The following UACA variants were observed in gnomAD, a reference collection of about 807,000 sequenced individuals.
UACA encodes uveal autoantigen with coiled-coil domains and ankyrin repeats, also known as nuclear membrane binding protein.
In UACA, 112 loss-of-function variants were observed where a neutral mutation model predicts 160.5. The observed-to-expected ratio is 0.70, with a 90% CI of 0.60 to 0.82. The LOEUF (loss-of-function observed/expected upper bound fraction) is 0.82, where lower values mean the gene tolerates loss of function less well. Among genes scored for constraint, UACA ranks in the 40% least tolerant of loss-of-function variants. The pLI is 0.00. For missense variants in UACA, 1,574 were observed against 1,614.6 expected (o/e 0.97, Z 0.43); for synonymous variants, 557 against 568.4 (o/e 0.98, Z 0.29).
rs933395435 is a variant in UACA at position 70,684,341 on chromosome 15, A to C, written c.708T>G (p.Ser236Arg). The change falls in exon 8 of 19, where the codon AGT becomes AGG. Residue 236 changes from serine to arginine, a missense_variant. Coordinates refer to ENST00000322954, the MANE Select transcript of UACA (RefSeq NM_018003.4). ...ISLLDALGHD[S>R]SYYARIGDNL... is the part of the protein sequence containing the mutation. ...TGTCACCAATTCTTGCATAGTAAGA[A>C]CTATCATGGCCAAGCGCATCCAGCA... 6.2e-7 allele frequency: 1 copy of C among 1,613,828 alleles called. No individual in the cohort carries two copies.
chr15:70,762,423 G>GT (rs1211004855), intron 1 of UACA, among the ~76,000 whole-genome samples: 2 of 152,194 alleles, frequency 1.3e-5, no homozygotes, highest in East Asian at 3.8e-4. Flanking sequence ...CCAAGACTTT[G>GT]TAAGTGGCAC....
intron 18 of UACA, among the ~76,000 whole-genome samples, chr15:70,658,926 A>G (rs1896578427): frequency 1.3e-5 from 2 of 152,252 alleles, no homozygotes; most frequent in Admixed American, 1.3e-4. Flanking sequence ...ATGTTTCATT[A>G]GGACACAGTA....
chr15:70,699,069 T>C (rs1435628057), intron 2 of UACA, among the ~76,000 whole-genome samples: 1 of 152,104 alleles, frequency 6.6e-6, no homozygotes, highest in Non-Finnish European at 1.5e-5. Context: ...TAAAAATGGA[T>C]TGGGGGTTGG....
At chr15:70,711,948 T>C (rs1456199177) in intron 1 of UACA, among the ~76,000 whole-genome samples, 3 of 151,990 alleles carry the variant, frequency 2.0e-5, no homozygotes, top group Non-Finnish European at 4.4e-5. Context: ...TGGCCTTTTA[T>C]GGTCTACAAA....
intron 9 of UACA, chr15:70,682,101 CCTG>C (rs1328530839): frequency 6.6e-6 from 1 of 152,140 alleles, no homozygotes; most frequent in Non-Finnish European, 1.5e-5. Flanking sequence ...GTAAACCAAC[CCTG>C]CTTACTTTAA....
chr15:70,776,122 T>A, the UACA span, among the ~76,000 whole-genome samples: 1 of 152,166 alleles, frequency 6.6e-6, no homozygotes, highest in African/African-American at 2.4e-5. Context: ...TGCATTCTTT[T>A]GTCACCTCCA....
At chr15:70,719,956 G>A (rs1765020036) in intron 1 of UACA, among the ~76,000 whole-genome samples, 1 of 152,106 alleles carries the variant, frequency 6.6e-6, no homozygotes, top group Non-Finnish European at 1.5e-5. Flanking sequence ...GATACAGGGT[G>A]ATATGGTTTG....
At chr15:70,743,936 C>T (rs911915119) in intron 1 of UACA, among the ~76,000 whole-genome samples, 4 of 151,958 alleles carry the variant, frequency 2.6e-5, no homozygotes, top group African/African-American at 9.7e-5. Context: ...ACTGTTCCAC[C>T]CAAGGTTCAT....
chr15:70,773,055 A>T, the UACA span, among the ~76,000 whole-genome samples: 1 of 152,094 alleles, frequency 6.6e-6, no homozygotes, highest in Non-Finnish European at 1.5e-5. Context: ...CAAAAAAAAA[A>T]AAAGAAAAGA....
chr15:70,683,096 C>G (rs557704554), intron 8 of UACA, among the ~76,000 whole-genome samples: 91 of 152,144 alleles, frequency 6.0e-4, no homozygotes, highest in African/African-American at 2.1e-3. Flanking sequence ...TGGCTCACAC[C>G]TGTAATCCCA....
At chr15:70,726,222 C>T (rs1052949418) in intron 1 of UACA, among the ~76,000 whole-genome samples, 2 of 152,012 alleles carry the variant, frequency 1.3e-5, no homozygotes, top group African/African-American at 2.4e-5. Context: ...TAACTCAGCA[C>T]CCCCAAATCC....
intron 7 of UACA, 134 bp downstream of exon 7, chr15:70,687,406 G>C (rs1897763053): frequency 4.1e-6 from 3 of 732,988 alleles, no homozygotes; most frequent in Non-Finnish European, 4.6e-6. Context: ...TTAATTCCAA[G>C]GAAAAGCAAG....
chr15:70,692,195 T>C (rs1450442626), intron 3 of UACA, among the ~76,000 whole-genome samples: 1 of 152,148 alleles, frequency 6.6e-6, no homozygotes, highest in Non-Finnish European at 1.5e-5. Flanking sequence ...AGAGATAAGG[T>C]TTCACTCTGT....
intron 13 of UACA, among the ~76,000 whole-genome samples, chr15:70,674,601 T>C (rs1037113683): frequency 2.7e-5 from 4 of 148,752 alleles, no homozygotes; most frequent in East Asian, 1.9e-4. Flanking sequence ...GAAAAACATC[T>C]TTTTTTTTCT....
intron 1 of UACA, among the ~76,000 whole-genome samples, chr15:70,723,525 G>A (rs189252489): frequency 2.9e-4 from 44 of 152,174 alleles, no homozygotes; most frequent in African/African-American, 8.9e-4. Flanking sequence ...TTTTCATAGC[G>A]AAGTTCTTCA....
At chr15:70,774,966 G>A in the UACA span, among the ~76,000 whole-genome samples, 1 of 152,066 alleles carries the variant, frequency 6.6e-6, no homozygotes, top group Non-Finnish European at 1.5e-5. Context: ...AGGCCAAGGT[G>A]GAGGATCACT....
chr15:70,714,518 C>A (rs1377601030), intron 1 of UACA, among the ~76,000 whole-genome samples: 5 of 152,146 alleles, frequency 3.3e-5, no homozygotes, highest in African/African-American at 4.8e-5. Context: ...AAAATTATAT[C>A]CTATCAATCA....
chr15:70,691,256 G>A, intron 4 of UACA, 43 bp downstream of exon 4: 1 of 1,365,572 alleles, frequency 7.3e-7, no homozygotes, highest in Non-Finnish European at 1.0e-6. Flanking sequence ...TCTATGATTT[G>A]TTGTCAAAAT....
At chr15:70,749,213 A>C (rs1566999249) in intron 1 of UACA, 1 of 447,732 alleles carries the variant, frequency 2.2e-6, no homozygotes, top group Admixed American at 2.4e-5. Flanking sequence ...GTATGTTTCA[A>C]TTTTTTCATA....
Sources: gnomAD v4.1 joint callset for allele counts (sites outside exome capture counted in the v4.1 genomes callset) on GRCh38, gnomAD v4.1.1 for gene constraint, MANE v1.5 for transcripts, NCBI Gene and HGNC (gene_info 2026-07-23, HGNC 2026-07-21) for gene names.